Variants in EML4 observed in about 807,000 individuals in gnomAD.
The protein encoded by EML4 is EMAP like 4.
A neutral mutation model predicts 129.0 loss-of-function variants in EML4; 72 were observed. The observed-to-expected ratio is 0.56, with a 90% confidence interval of 0.46 to 0.68. The LOEUF (loss-of-function observed/expected upper bound fraction) is 0.68, where lower values mean the gene tolerates loss of function less well. EML4 is among the 30% of genes least tolerant of loss of function. The pLI is 0.00. For missense variants in EML4, 1,363 were observed against 1,190.6 expected (o/e 1.14, Z -2.13); for synonymous variants, 532 against 405.0 (o/e 1.31, Z -3.77).
chr2:42,249,185 A>G (rs1675609243), intron 2 of EML4, among the ~76,000 whole-genome samples: 1 of 152,210 alleles, frequency 6.6e-6, no homozygotes, highest in Non-Finnish European at 1.5e-5. Flanking sequence ...TTTCAAATAA[A>G]TGAAGTTTTT....
intron 1 of EML4, among the ~76,000 whole-genome samples, chr2:42,172,004 C>G (rs1317541596): frequency 6.6e-6 from 1 of 151,952 alleles, no homozygotes; most frequent in Non-Finnish European, 1.5e-5. Flanking sequence ...ATTTTACCAT[C>G]AGGAGAGCCA....
chr2:42,261,337 T>C, intron 4 of EML4, 43 bp downstream of exon 4: 1 of 1,499,754 alleles, frequency 6.7e-7, no homozygotes, highest in East Asian at 2.3e-5. Context: ...ATGGTTGTAA[T>C]GATACCTAAA....
intron 1 of EML4, among the ~76,000 whole-genome samples, chr2:42,234,427 G>A (rs1006588183): frequency 3.3e-5 from 5 of 152,156 alleles, no homozygotes; most frequent in South Asian, 2.1e-4. Flanking sequence ...TCGCTTCAGT[G>A]TGGGGTTCCT....
At chr2:42,307,881 C>T (rs956668313) in intron 17 of EML4, among the ~76,000 whole-genome samples, 1 of 152,216 alleles carries the variant, frequency 6.6e-6, no homozygotes, top group Non-Finnish European at 1.5e-5. Context: ...TCTGGAACCC[C>T]TGGCCTCAAG....
At chr2:42,291,398 C>G (rs1438981102) in intron 11 of EML4, among the ~76,000 whole-genome samples, 1 of 123,142 alleles carries the variant, frequency 8.1e-6, no homozygotes, top group East Asian at 2.2e-4. Flanking sequence ...ATCAAGACAC[C>G]TTTTTTTTTT....
intron 4 of EML4, among the ~76,000 whole-genome samples, chr2:42,262,385 C>T (rs919026054): frequency 2.6e-5 from 4 of 152,094 alleles, no homozygotes; most frequent in African/African-American, 9.7e-5. Context: ...CGTTACATAA[C>T]TTTGGATTGT....
Position 42,330,523 on chromosome 2 carries a change from G to C in EML4, c.*316G>C. On this transcript the variant is annotated 3_prime_UTR_variant, in exon 23 of 23. Coordinates refer to ENST00000318522, the MANE Select transcript of EML4 (RefSeq NM_019063.5). Reference sequence around the variant, plus strand: ...CAAAAACAGCAGTTGCATTGATTTTGAAAACAAACCCCCTTGTTATCTGAA... The same window carrying C: ...CAAAAACAGCAGTTGCATTGATTTTCAAAACAAACCCCCTTGTTATCTGAA... 2.1e-6 allele frequency: 1 copy of C among 469,710 alleles called. No individual in the cohort carries two copies. The highest frequency in any genetic ancestry group is 3.8e-5 in the East Asian group (1 of 26,282). 29.1% of individuals were successfully genotyped at this position (469,710 alleles called of 1,614,324 possible). A position where few individuals can be genotyped will look rare whatever the true frequency, so the allele number is the denominator to read the frequency against.
At chr2:42,267,556 A>T (rs996739250) in intron 6 of EML4, among the ~76,000 whole-genome samples, 15 of 152,234 alleles carry the variant, frequency 9.9e-5, no homozygotes, top group African/African-American at 2.7e-4. Context: ...GTGGTAACAG[A>T]GAATACTTTA....
At chr2:42,174,331 C>T (rs1046764411) in intron 1 of EML4, among the ~76,000 whole-genome samples, 67 of 152,200 alleles carry the variant, frequency 4.4e-4, no homozygotes, top group Admixed American at 4.4e-3. Context: ...TGCTCTGTCT[C>T]CCAGGCTGGA....
Position 42,176,742 on chromosome 2 carries a change from G to T in EML4, c.25+7106G>T, listed in dbSNP as rs201160072. Among the ~76,000 whole-genome samples, 8 of 152,120 alleles carry T rather than the reference G, an allele frequency of 5.3e-5. No individual in the cohort carries two copies. In the East Asian group the frequency reaches 1.5e-3, roughly 29 times the overall value. ...TTATAAGGTGAAAGTAATTATTACA[G>T]ATCTTACAATTGTTATGTCTTATTT... On this transcript the variant is annotated intron_variant, in intron 1 of 22. Transcript: ENST00000318522.
chr2:42,215,263 T>C (rs2104055647), intron 1 of EML4, among the ~76,000 whole-genome samples: 1 of 152,280 alleles, frequency 6.6e-6, no homozygotes, highest in South Asian at 2.1e-4. Context: ...TTTTGCCATA[T>C]TGCTCAGGCT....
chr2:42,286,065 C>A, intron 9 of EML4: 1 of 616,338 alleles, frequency 1.6e-6, no homozygotes, highest in Non-Finnish European at 2.9e-6. Flanking sequence ...ATAGTAAATA[C>A]ACAAGTTATT....
rs547345276 is a variant in EML4, at chr2:42,250,618, G to A, written c.208+4931G>A. ...TGTTTGAGCATTATAGGGTGTACTT[G>A]CACAAACCTAGATGGTATAGCCTAG... On this transcript the variant is annotated intron_variant, in intron 2 of 22. Coordinates refer to ENST00000318522, the MANE Select transcript of EML4 (RefSeq NM_019063.5). Among the ~76,000 whole-genome samples the A allele has an allele frequency of 5.9e-5, 9 of 152,042 alleles. 1 individual carries two copies. In the East Asian group the frequency reaches 1.7e-3, roughly 30 times the overall value.
At chr2:42,279,036 A>G (rs971258435) in intron 6 of EML4, among the ~76,000 whole-genome samples, 1 of 152,202 alleles carries the variant, frequency 6.6e-6, no homozygotes, top group African/African-American at 2.4e-5. Flanking sequence ...GTTTATGTAA[A>G]TATAAGATAC....
intron 19 of EML4, among the ~76,000 whole-genome samples, chr2:42,323,254 G>A (rs1485244968): frequency 6.6e-6 from 1 of 152,178 alleles, no homozygotes; most frequent in Middle Eastern, 3.2e-3. Flanking sequence ...CCAGACGCCA[G>A]AGCCAGGCTC....
chr2:42,192,322 C>T (rs1671642296), intron 1 of EML4, among the ~76,000 whole-genome samples: 1 of 151,112 alleles, frequency 6.6e-6, no homozygotes, highest in Non-Finnish European at 1.5e-5. Flanking sequence ...TAACTGCAAC[C>T]TCTGCCTGCT....
intron 1 of EML4, among the ~76,000 whole-genome samples, chr2:42,193,101 A>G (rs551038370): frequency 1.3e-5 from 2 of 152,226 alleles, no homozygotes; most frequent in East Asian, 1.9e-4. Context: ...GGGTATTTCC[A>G]TAAGATTTTA....
At chr2:42,281,234 A>T (rs1666986797) in intron 7 of EML4, among the ~76,000 whole-genome samples, 1 of 152,104 alleles carries the variant, frequency 6.6e-6, no homozygotes, top group Non-Finnish European at 1.5e-5. Context: ...TCTACTAAAG[A>T]TACAAAAAAT....
At chr2:42,265,905 T>C (rs985696482) in intron 6 of EML4, among the ~76,000 whole-genome samples, 1 of 152,252 alleles carries the variant, frequency 6.6e-6, no homozygotes, top group African/African-American at 2.4e-5. Flanking sequence ...TTAATTGCAC[T>C]GTAGGTAAGT....
Sources: gnomAD v4.1 joint callset for allele counts (sites outside exome capture counted in the v4.1 genomes callset) on GRCh38, gnomAD v4.1.1 for gene constraint, MANE v1.5 for transcripts, NCBI Gene and HGNC (gene_info 2026-07-23, HGNC 2026-07-21) for gene names.